The following SPATS2 variants were observed in gnomAD, a reference collection of about 807,000 sequenced individuals.
The protein encoded by SPATS2 is spermatogenesis-associated serine-rich protein 2.
In SPATS2, 38 loss-of-function variants were observed where a neutral mutation model predicts 63.7. That is an observed-to-expected ratio of 0.60 (90% CI 0.46 to 0.78). The LOEUF (loss-of-function observed/expected upper bound fraction) is 0.78, where lower values mean the gene tolerates loss of function less well. SPATS2 is among the 30% of genes least tolerant of loss of function. The pLI is 0.00. For missense variants in SPATS2, 588 were observed against 666.2 expected (o/e 0.88, Z 1.29); for synonymous variants, 207 against 232.9 (o/e 0.89, Z 1.01).
At chr12:49,459,456 C>T (rs932910693) in intron 2 of SPATS2, among the ~76,000 whole-genome samples, 1 of 152,090 alleles carries the variant, frequency 6.6e-6, no homozygotes, top group African/African-American at 2.4e-5. Flanking sequence ...TCAAGTGATT[C>T]TCCTGCCTCA....
rs1459261995 is a variant in SPATS2 at position 49,460,995 on chromosome 12, G to A, written c.-18G>A. The A allele has an allele frequency of 1.2e-6, 2 of 1,613,304 alleles. No homozygotes were observed. Among genetic ancestry groups the A allele is most frequent in the East Asian group, 2.2e-5 (1 of 44,802 alleles). On this transcript the variant is annotated 5_prime_UTR_variant, in exon 3 of 14. Transcript: ENST00000552918. ...AGGATACTTTTCTTGTATATTTTTT[G>A]AGATCGAAGAAACGACAATGTCCAG...
chr12:49,516,508 C>G (rs1946853556), intron 10 of SPATS2, among the ~76,000 whole-genome samples: 1 of 151,752 alleles, frequency 6.6e-6, no homozygotes, highest in Non-Finnish European at 1.5e-5. Context: ...GAGATCAAGA[C>G]CATCCTGGCC....
chr12:49,380,143 T>C (rs1313514284), intron 2 of SPATS2, among the ~76,000 whole-genome samples: 1 of 151,784 alleles, frequency 6.6e-6, no homozygotes, highest in Admixed American at 6.6e-5. Context: ...ACTGGTCTCA[T>C]GTATCAACCT....
intron 2 of SPATS2, among the ~76,000 whole-genome samples, chr12:49,414,170 C>T (rs981244024): frequency 6.6e-6 from 1 of 152,124 alleles, no homozygotes; most frequent in African/African-American, 2.4e-5. Flanking sequence ...TGTTTCTGAA[C>T]ATAAAATTCT....
chr12:49,513,282 C>A (rs182500712), intron 9 of SPATS2, among the ~76,000 whole-genome samples: 2 of 151,534 alleles, frequency 1.3e-5, no homozygotes, highest in East Asian at 3.9e-4. Flanking sequence ...TTTTATTTAC[C>A]CTGTAGTTAT....
chr12:49,497,762 C>T (rs921316554), intron 8 of SPATS2, among the ~76,000 whole-genome samples: 1 of 151,952 alleles, frequency 6.6e-6, no homozygotes, highest in Non-Finnish European at 1.5e-5. Context: ...AGCTAGAGTC[C>T]TCTGACAGAC....
rs778436504 is a variant in SPATS2 at position 49,522,772 on chromosome 12, T to C, written c.1030T>C (p.Tyr344His). ...CCAGCACTTTGTTAGTGAACGTAAA[T>C]ATGATGAGGATCTGGGACGAGTAGC... ...DIKHFVSERK[Y>H]DEDLGRVARF... The change falls in exon 12 of 14, where the codon TAT becomes CAT. Residue 344 changes from tyrosine (Y) to histidine (H), a missense_variant. Physicochemically the swap from Tyr to His is moderately conservative, Grantham distance 83. Transcript: ENST00000552918. The C allele has an allele frequency of 1.7e-5, 27 of 1,613,556 alleles. No homozygotes were observed. Among genetic ancestry groups the C allele is most frequent in the Non-Finnish European group, 2.3e-5 (27 of 1,179,684 alleles).
At chr12:49,515,987 A>G (rs938893963) in intron 10 of SPATS2, among the ~76,000 whole-genome samples, 4 of 151,116 alleles carry the variant, frequency 2.6e-5, no homozygotes, top group Non-Finnish European at 4.4e-5. Context: ...TAAAAATACA[A>G]AAATTAGCTG....
At chr12:49,436,646 G>T (rs567580491) in intron 2 of SPATS2, among the ~76,000 whole-genome samples, 6,336 of 128,466 alleles carry the variant, frequency 0.049, 105 homozygotes, top group Non-Finnish European at 0.073. Flanking sequence ...GCGGCTGGCC[G>T]GGCAGAGGGG....
intron 6 of SPATS2, among the ~76,000 whole-genome samples, chr12:49,494,438 C>G (rs1946432077): frequency 6.6e-6 from 1 of 152,004 alleles, no homozygotes; most frequent in Non-Finnish European, 1.5e-5. Flanking sequence ...AGCTCTTTGA[C>G]TATAAGCTGC....
chr12:49,398,841 A>C (rs1289721194), intron 2 of SPATS2, among the ~76,000 whole-genome samples: 1 of 152,166 alleles, frequency 6.6e-6, no homozygotes, highest in Non-Finnish European at 1.5e-5. Flanking sequence ...TTCCTGTGGG[A>C]TATCCAGGTG....
chr12:49,472,580 G>A lies in SPATS2; in HGVS notation c.25+11543G>A, dbSNP rs12304736. ...GGGCAAGAATAGGCATGTCAGGAAAGAGAATATCCAAATGGCTTATTTTAT... is the reference window on the plus strand; with the variant it reads ...GGGCAAGAATAGGCATGTCAGGAAAAAGAATATCCAAATGGCTTATTTTAT... On this transcript the variant is annotated intron_variant, in intron 3 of 13. Transcript: ENST00000552918. 1.2e-3 allele frequency among the ~76,000 whole-genome samples: 183 copies of A among 148,196 alleles called. 1 individual carries two copies. The highest frequency in any genetic ancestry group is 4.1e-3 in the African/African-American group (164 of 40,438).
intron 2 of SPATS2, among the ~76,000 whole-genome samples, chr12:49,445,814 C>T (rs967501039): frequency 1.6e-4 from 24 of 152,132 alleles, no homozygotes; most frequent in African/African-American, 4.3e-4. Flanking sequence ...CGTGAGCCAT[C>T]GTGCCTGGCC....
intron 2 of SPATS2, among the ~76,000 whole-genome samples, chr12:49,377,407 T>G (rs1036284764): frequency 5.9e-5 from 9 of 152,212 alleles, no homozygotes; most frequent in African/African-American, 2.2e-4. Flanking sequence ...AAAGGAAGGA[T>G]ATTTGATACT....
chr12:49,451,193 T>C (rs946230904), intron 2 of SPATS2, among the ~76,000 whole-genome samples: 9 of 152,120 alleles, frequency 5.9e-5, no homozygotes, highest in African/African-American at 1.2e-4. Flanking sequence ...TTTTTGTGTA[T>C]CTTTTGGCTT....
intron 3 of SPATS2, among the ~76,000 whole-genome samples, chr12:49,481,444 C>T (rs2137814976): frequency 6.7e-6 from 1 of 150,052 alleles, no homozygotes; most frequent in South Asian, 2.1e-4. Context: ...GCTCAACAAG[C>T]TCAAGGCTTC....
In SPATS2 at chr12:49,496,864, T is replaced by C; in HGVS notation, c.558T>C (p.Phe186=). Residue 186 remains phenylalanine (F), a synonymous_variant, in exon 8 of 14, where the codon TTT becomes TTC. Transcript: ENST00000552918. ...TGCTGCAGAATGGTGTCTCTGATTTTGAGACCAAGTCTTTGACTATGCACT... is the reference window on the plus strand; with the variant it reads ...TGCTGCAGAATGGTGTCTCTGATTTCGAGACCAAGTCTTTGACTATGCACT... The part of the protein sequence containing the change: ...GSMLQNGVSD[F]ETKSLTMHSI... 1 of 1,614,164 alleles carries C rather than the reference T, an allele frequency of 6.2e-7. No individual in the cohort carries two copies. The highest frequency in any genetic ancestry group is 8.5e-7 in the Non-Finnish European group (1 of 1,180,008).
At chr12:49,487,036 T>C in intron 4 of SPATS2, among the ~76,000 whole-genome samples, 1 of 152,292 alleles carries the variant, frequency 6.6e-6, no homozygotes, top group Non-Finnish European at 1.5e-5. Context: ...ACTGATTTGT[T>C]TTATTTTTAT....
intron 3 of SPATS2, 117 bp from the exon 4 acceptor site, chr12:49,484,473 G>A: frequency 1.1e-6 from 1 of 869,634 alleles, no homozygotes; most frequent in Non-Finnish European, 1.8e-6. Flanking sequence ...TTGCCAAATA[G>A]CAACTAAGTT....
Sources: gnomAD v4.1 joint callset for allele counts (sites outside exome capture counted in the v4.1 genomes callset) on GRCh38, gnomAD v4.1.1 for gene constraint, MANE v1.5 for transcripts, NCBI Gene and HGNC (gene_info 2026-07-23, HGNC 2026-07-21) for gene names.